The following PPP4R4 variants were observed in gnomAD, a reference collection of about 807,000 sequenced individuals.
PPP4R4 encodes the protein serine/threonine-protein phosphatase 4 regulatory subunit 4.
A neutral mutation model predicts 121.8 loss-of-function variants in PPP4R4; 70 were observed. The observed-to-expected ratio is 0.57, with a 90% CI of 0.47 to 0.70. The LOEUF (loss-of-function observed/expected upper bound fraction) is 0.70, where lower values mean the gene tolerates loss of function less well. PPP4R4 is among the 30% of genes least tolerant of loss of function. PPP4R4 has a pLI of 0.00. For missense variants in PPP4R4, 875 were observed against 1,033.6 expected (o/e 0.85, Z 2.10); for synonymous variants, 348 against 355.7 (o/e 0.98, Z 0.24).
chr14:94,179,108 C>A (rs1317812220), intron 2 of PPP4R4, among the ~76,000 whole-genome samples: 1 of 147,586 alleles, frequency 6.8e-6, no homozygotes, highest in Admixed American at 7.0e-5. Context: ...CCCATTTAAA[C>A]TGTACAGTTA....
chr14:94,186,362 C>A (rs566179990), intron 2 of PPP4R4, among the ~76,000 whole-genome samples: 2 of 152,286 alleles, frequency 1.3e-5, no homozygotes, highest in South Asian at 4.1e-4. Context: ...ATCATACAGT[C>A]TACTCTTTTG....
intron 3 of PPP4R4, among the ~76,000 whole-genome samples, chr14:94,216,610 TGTG>T: frequency 1.3e-5 from 2 of 152,042 alleles, no homozygotes; most frequent in Non-Finnish European, 2.9e-5. Flanking sequence ...GTGATAAAGG[TGTG>T]GTGGTGATGA....
intron 3 of PPP4R4, among the ~76,000 whole-genome samples, chr14:94,226,834 T>G (rs1193694254): frequency 6.6e-6 from 1 of 152,210 alleles, no homozygotes; most frequent in African/African-American, 2.4e-5. Context: ...ATAAATATAT[T>G]TTTCAGTTTT....
At chr14:94,199,780 T>C (rs1157476738) in intron 2 of PPP4R4, among the ~76,000 whole-genome samples, 1 of 152,214 alleles carries the variant, frequency 6.6e-6, no homozygotes, top group African/African-American at 2.4e-5. Flanking sequence ...GTGCCTGTTA[T>C]TGTGCTCTTA....
At position 94,259,374 on chromosome 14, in the gene PPP4R4, G is replaced by A. The variant is rs747162896; in HGVS notation, c.2127+5G>A. 7.5e-6 allele frequency: 12 copies of A among 1,606,648 alleles called. No individual in the cohort carries two copies. Among genetic ancestry groups the A allele is most frequent in the Non-Finnish European group, 8.5e-7 (1 of 1,177,742 alleles). ...GAACTACTTCTTTTGGAAATGGTAT[G>A]TTGTTTTCACATGCACACACATATA... On this transcript the variant is annotated splice_donor_5th_base_variant and intron_variant, in intron 19 of 24. Transcript: ENST00000304338.
chr14:94,260,017 A>G (rs1595536661), intron 19 of PPP4R4, among the ~76,000 whole-genome samples: 1 of 152,164 alleles, frequency 6.6e-6, no homozygotes, highest in Non-Finnish European at 1.5e-5. Context: ...GTTGCTTTGA[A>G]CATTAGTGAA....
chr14:94,264,655 A>G (rs896775234), intron 19 of PPP4R4, among the ~76,000 whole-genome samples: 1 of 152,204 alleles, frequency 6.6e-6, no homozygotes, highest in African/African-American at 2.4e-5. Context: ...TACCAAACTC[A>G]TTGTTTTAGC....
At chr14:94,272,046 A>G (rs1027983396) in intron 23 of PPP4R4, among the ~76,000 whole-genome samples, 3 of 152,230 alleles carry the variant, frequency 2.0e-5, no homozygotes, top group African/African-American at 7.2e-5. Context: ...TCTCATGTTC[A>G]TTGCTAGAAA....
chr14:94,183,872 A>G (rs1361389622), intron 2 of PPP4R4, among the ~76,000 whole-genome samples: 1 of 151,822 alleles, frequency 6.6e-6, no homozygotes, highest in African/African-American at 2.4e-5. Flanking sequence ...ATAATAAAAT[A>G]CATTAAAATT....
chr14:94,258,090 TA>T (rs1430032721), intron 17 of PPP4R4, among the ~76,000 whole-genome samples: 13 of 152,300 alleles, frequency 8.5e-5, no homozygotes, highest in Non-Finnish European at 1.6e-4. Context: ...TGGCATGCAT[TA>T]TGAATTTTTC....
At chr14:94,239,970 GTAA>G (rs1464721728) in intron 8 of PPP4R4, among the ~76,000 whole-genome samples, 2 of 152,204 alleles carry the variant, frequency 1.3e-5, no homozygotes, top group East Asian at 1.9e-4. Context: ...AATGATAATA[GTAA>G]TAATAATACT....
In PPP4R4 at chr14:94,259,305, A is replaced by C; in HGVS notation, c.2063A>C (p.Lys688Thr). Residue 688 changes from lysine to threonine, a missense_variant, in exon 19 of 25, where the codon AAG (lysine) becomes ACG (threonine). Lys to Thr is a moderately conservative substitution (Grantham distance 78). Transcript: ENST00000304338. ...MEMSMDAFQK[K>T]FYEKDLLDQE... ...TTAAACTTTAAACAGTTTCAGAAAAAGTTTTATGAGAAAGATTTGTTGGAT... is the reference window on the plus strand; with the variant it reads ...TTAAACTTTAAACAGTTTCAGAAAACGTTTTATGAGAAAGATTTGTTGGAT... The C allele has an allele frequency of 6.2e-7, 1 of 1,606,046 alleles. No homozygotes were observed. The highest frequency in any genetic ancestry group is 2.2e-5 in the East Asian group (1 of 44,720).
intron 23 of PPP4R4, among the ~76,000 whole-genome samples, chr14:94,275,092 G>A (rs112696189): frequency 0.019 from 2,938 of 152,250 alleles, 91 homozygotes; most frequent in African/African-American, 0.067. Context: ...CTAATTTATA[G>A]TTGACAGGAG....
intron 15 of PPP4R4, 121 bp from the exon 16 acceptor site, chr14:94,251,628 G>A (rs1893183068): frequency 1.4e-6 from 1 of 718,826 alleles, no homozygotes; most frequent in Non-Finnish European, 2.2e-6. Context: ...CTTATGTCTT[G>A]TATTTGCTAG....
At chr14:94,268,214 T>G (rs931704846) in intron 23 of PPP4R4, among the ~76,000 whole-genome samples, 4 of 152,184 alleles carry the variant, frequency 2.6e-5, no homozygotes, top group Non-Finnish European at 5.9e-5. Flanking sequence ...AAAACCAGTT[T>G]GAATTAGCTT....
chr14:94,241,876 T>G lies in PPP4R4; in HGVS notation c.1065T>G (p.Asn355Lys). Residue 355 changes from asparagine (N) to lysine (K), a missense_variant, in exon 10 of 25, where the codon AAT becomes AAG. Asn to Lys is a moderately conservative substitution (Grantham distance 94). Transcript: ENST00000304338. ...GTTTGCAACAAGAAAATGGACACAATGAAAACCAGATTCCACCCCAAATCC... is the reference window on the plus strand; with the variant it reads ...GTTTGCAACAAGAAAATGGACACAAGGAAAACCAGATTCCACCCCAAATCC... ...TLGLQQENGH[N>K]ENQIPPQILE... The G allele has an allele frequency of 2.5e-6, 4 of 1,611,030 alleles. No individual in the cohort carries two copies. Among genetic ancestry groups the G allele is most frequent in the Non-Finnish European group, 2.5e-6 (3 of 1,178,446 alleles).
intron 3 of PPP4R4, among the ~76,000 whole-genome samples, chr14:94,226,769 A>G (rs1422088584): frequency 1.3e-5 from 2 of 152,152 alleles, no homozygotes; most frequent in African/African-American, 2.4e-5. Context: ...CTCTAAAAAT[A>G]CACAGATATT....
intron 2 of PPP4R4, among the ~76,000 whole-genome samples, chr14:94,198,902 G>T (rs761782004): frequency 3.6e-4 from 55 of 152,162 alleles, no homozygotes; most frequent in Non-Finnish European, 5.7e-4. Context: ...GCACGACATT[G>T]TCTGTTGTAG....
chr14:94,190,477 T>C (rs1242817524), intron 2 of PPP4R4, among the ~76,000 whole-genome samples: 1 of 152,054 alleles, frequency 6.6e-6, no homozygotes, highest in African/African-American at 2.4e-5. Context: ...GGTGTGTGCC[T>C]GTAGCCCCAG....
Sources: gnomAD v4.1 joint callset for allele counts (sites outside exome capture counted in the v4.1 genomes callset) on GRCh38, gnomAD v4.1.1 for gene constraint, MANE v1.5 for transcripts, NCBI Gene and HGNC (gene_info 2026-07-23, HGNC 2026-07-21) for gene names.